Variants in PTPRD observed in about 807,000 individuals in gnomAD.
The protein encoded by PTPRD is receptor-type tyrosine-protein phosphatase delta.
PTPRD carries 34 observed loss-of-function variants against 214.5 expected under a neutral mutation model. That is an observed-to-expected ratio of 0.16 (90% confidence interval 0.12 to 0.21). The LOEUF is 0.21. Among genes scored for constraint, PTPRD ranks in the 10% least tolerant of loss-of-function variants. PTPRD has a pLI of 1.00. For synonymous variants in PTPRD, 1,128 were observed against 845.7 expected (o/e 1.33, Z -5.79); for missense variants, 2,545 against 2,398.7 (o/e 1.06, Z -1.27).
chr9:9,233,804 T>C (rs1052411274), intron 9 of PTPRD, among the ~76,000 whole-genome samples: 3 of 152,212 alleles, frequency 2.0e-5, no homozygotes, highest in African/African-American at 4.8e-5. Context: ...ATCCAGTTCA[T>C]GCTGATGCAT....
chr9:8,318,008 A>G (rs2130481726), intron 45 of PTPRD, 66 bp from the exon 46 acceptor site: 1 of 1,468,928 alleles, frequency 6.8e-7, no homozygotes, highest in Middle Eastern at 1.7e-4. Context: ...ATAGAAAAAT[A>G]AAAATCAATA....
intron 21 of PTPRD, among the ~76,000 whole-genome samples, chr9:8,509,834 G>T (rs932563943): frequency 1.3e-5 from 2 of 152,112 alleles, no homozygotes; most frequent in African/African-American, 2.4e-5. Context: ...GTCTCAGAGA[G>T]TACACTGTCC....
chr9:8,353,309 G>A (rs2076011218), intron 39 of PTPRD, among the ~76,000 whole-genome samples: 1 of 152,084 alleles, frequency 6.6e-6, no homozygotes, highest in African/African-American at 2.4e-5. Flanking sequence ...GCAACCTCCA[G>A]CAGGCCTTTG....
At chr9:8,715,271 A>C (rs935241049) in intron 12 of PTPRD, among the ~76,000 whole-genome samples, 3 of 152,172 alleles carry the variant, frequency 2.0e-5, no homozygotes, top group African/African-American at 7.2e-5. Context: ...CAAACACATT[A>C]TCCCAGTTAA....
chr9:9,917,487 T>C (rs2081278227), intron 5 of PTPRD, among the ~76,000 whole-genome samples: 1 of 147,734 alleles, frequency 6.8e-6, no homozygotes, highest in African/African-American at 2.5e-5. Context: ...GGACCAGATG[T>C]CTTTACCACT....
intron 2 of PTPRD, among the ~76,000 whole-genome samples, chr9:10,437,143 C>T (rs1432281196): frequency 6.6e-6 from 1 of 151,764 alleles, no homozygotes; most frequent in Non-Finnish European, 1.5e-5. Context: ...TATATACTTG[C>T]TTTCTGTCAT....
chr9:8,655,014 T>C (rs2096882512), intron 12 of PTPRD, among the ~76,000 whole-genome samples: 1 of 152,196 alleles, frequency 6.6e-6, no homozygotes, highest in Admixed American at 6.5e-5. Context: ...TAATAGGAAT[T>C]CATTCAAGAT....
chr9:10,259,354 G>T (rs1306968865), intron 3 of PTPRD, among the ~76,000 whole-genome samples: 1 of 152,048 alleles, frequency 6.6e-6, no homozygotes. Flanking sequence ...AGTGATTGAC[G>T]TTCTTTTTCT....
rs769652986 is a variant in PTPRD at position 8,517,866 on chromosome 9, C to G, written c.1525G>C (p.Val509Leu). ...AACTTACCTCCTGTCTGAGTGATGA[C>G]TTGTATGTCACTTGAAAGGGGACCA... The part of the protein sequence containing the change: ...GDGPLSSDIQ[V>L]ITQTGVPGQP... The change falls in exon 21 of 46, where the codon GTC becomes CTC. Residue 509 changes from valine to leucine, a missense_variant. By Grantham distance (32) the Val-to-Leu change is conservative. Coordinates refer to ENST00000381196, the MANE Select transcript of PTPRD (RefSeq NM_002839.4). 1 of 1,613,546 alleles carries G rather than the reference C, an allele frequency of 6.2e-7. No homozygotes were observed. The highest frequency in any genetic ancestry group is 1.1e-5 in the South Asian group (1 of 90,978).
chr9:8,484,661 G>C (rs1230333536), intron 29 of PTPRD, among the ~76,000 whole-genome samples: 2 of 126,112 alleles, frequency 1.6e-5, no homozygotes, highest in Non-Finnish European at 3.4e-5. Flanking sequence ...AGACCTGTCA[G>C]TTGTATGTGA....
intron 2 of PTPRD, among the ~76,000 whole-genome samples, chr9:10,460,853 C>G (rs2098953236): frequency 6.6e-6 from 1 of 152,052 alleles, no homozygotes; most frequent in African/African-American, 2.4e-5. Context: ...GGGTATCACA[C>G]CAGAAACTTA....
At chr9:10,191,954 G>C (rs1308200386) in intron 3 of PTPRD, among the ~76,000 whole-genome samples, 1 of 152,184 alleles carries the variant, frequency 6.6e-6, no homozygotes, top group Non-Finnish European at 1.5e-5. Flanking sequence ...CTGCAAAGCT[G>C]ATGATGGTGG....
At chr9:10,242,306 T>A (rs2091236337) in intron 3 of PTPRD, among the ~76,000 whole-genome samples, 1 of 152,020 alleles carries the variant, frequency 6.6e-6, no homozygotes, top group South Asian at 2.1e-4. Context: ...AGCTCCCATA[T>A]AAATTTCATC....
At chr9:9,342,988 T>A (rs1281847071) in intron 9 of PTPRD, among the ~76,000 whole-genome samples, 1 of 152,120 alleles carries the variant, frequency 6.6e-6, no homozygotes, top group African/African-American at 2.4e-5. Context: ...TGGTGTTTGG[T>A]TTTCTGTTCC....
At chr9:10,027,120 G>C (rs895154906) in intron 4 of PTPRD, among the ~76,000 whole-genome samples, 1 of 152,138 alleles carries the variant, frequency 6.6e-6, no homozygotes, top group East Asian at 1.9e-4. Context: ...ATTAGAGTCA[G>C]ATTCCTGAAA....
intron 7 of PTPRD, among the ~76,000 whole-genome samples, chr9:9,652,659 G>A (rs1002714574): frequency 1.3e-5 from 2 of 150,028 alleles, no homozygotes; most frequent in African/African-American, 2.5e-5. Flanking sequence ...TTTTTGCCCA[G>A]GCTGGAGTGC....
At chr9:8,587,252 A>G (rs1460681902) in intron 14 of PTPRD, among the ~76,000 whole-genome samples, 1 of 152,218 alleles carries the variant, frequency 6.6e-6, no homozygotes, top group African/African-American at 2.4e-5. Flanking sequence ...ACAAATAATA[A>G]AAATCTGCAG....
chr9:9,621,358 T>C (rs924227853), intron 7 of PTPRD, among the ~76,000 whole-genome samples: 2 of 152,192 alleles, frequency 1.3e-5, no homozygotes, highest in African/African-American at 4.8e-5. Context: ...CCAATGACTT[T>C]CCACATCCCT....
intron 2 of PTPRD, among the ~76,000 whole-genome samples, chr9:10,446,935 C>T (rs1181255259): frequency 1.3e-5 from 2 of 152,070 alleles, no homozygotes; most frequent in East Asian, 1.9e-4. Context: ...AGCAAGGACA[C>T]GTTTACAGAA....
Sources: gnomAD v4.1 joint callset for allele counts (sites outside exome capture counted in the v4.1 genomes callset) on GRCh38, gnomAD v4.1.1 for gene constraint, MANE v1.5 for transcripts, NCBI Gene and HGNC (gene_info 2026-07-23, HGNC 2026-07-21) for gene names.